Variants in YAF2 observed in about 807,000 individuals in gnomAD.
The protein encoded by YAF2 is YY1-associated factor 2.
A neutral mutation model predicts 20.1 loss-of-function variants in YAF2; 7 were observed. The ratio of observed to expected loss-of-function variants is 0.35; its 90% confidence interval spans 0.20 to 0.65. YAF2 has a LOEUF of 0.65. Among genes scored for constraint, YAF2 ranks in the 30% least tolerant of loss-of-function variants. The pLI is 0.69. For synonymous variants in YAF2, 74 were observed against 76.0 expected (o/e 0.97, Z 0.14); for missense variants, 151 against 219.2 (o/e 0.69, Z 1.96).
intron 2 of YAF2, among the ~76,000 whole-genome samples, chr12:42,216,063 C>T (rs1483542826): frequency 2.0e-5 from 3 of 152,092 alleles, no homozygotes; most frequent in African/African-American, 7.2e-5. Context: ...AATTCTATCA[C>T]ATTTTGTAGT....
intron 2 of YAF2, among the ~76,000 whole-genome samples, chr12:42,226,192 G>A (rs2067689594): frequency 6.6e-6 from 1 of 152,032 alleles, no homozygotes; most frequent in South Asian, 2.1e-4. Flanking sequence ...AGCTTCATTG[G>A]TTTATTTTAG....
chr12:42,231,963 A>G (rs1301357458), intron 2 of YAF2: 1 of 152,240 alleles, frequency 6.6e-6, no homozygotes, highest in Admixed American at 6.5e-5. Flanking sequence ...TCTTTCAAGT[A>G]AAAATGATGC....
intron 2 of YAF2, among the ~76,000 whole-genome samples, chr12:42,228,665 G>GC (rs1356250326): frequency 2.8e-5 from 3 of 107,326 alleles, no homozygotes; most frequent in Admixed American, 8.1e-5. Flanking sequence ...GTGGGGGGGG[G>GC]GTCAGCCCCC....
intron 2 of YAF2, among the ~76,000 whole-genome samples, chr12:42,215,345 T>A (rs566039401): frequency 6.7e-6 from 1 of 150,312 alleles, no homozygotes; most frequent in East Asian, 2.0e-4. Flanking sequence ...CTGAGGTGGA[T>A]CGCAAGAGCC....
chr12:42,192,465 T>C (rs747859186), intron 2 of YAF2, among the ~76,000 whole-genome samples: 17 of 152,076 alleles, frequency 1.1e-4, no homozygotes, highest in Non-Finnish European at 2.4e-4. Context: ...GCTGTGATCG[T>C]GCCACTGCAC....
intron 2 of YAF2, among the ~76,000 whole-genome samples, chr12:42,166,431 G>T (rs1285530417): frequency 6.6e-6 from 1 of 152,120 alleles, no homozygotes; most frequent in Non-Finnish European, 1.5e-5. Flanking sequence ...GTAAATTTTT[G>T]TGTCAAATAT....
chr12:42,234,683 A>G (rs1320863579), intron 2 of YAF2: 3 of 984,692 alleles, frequency 3.0e-6, no homozygotes, highest in African/African-American at 3.5e-5. Context: ...AAAAAAAATT[A>G]TATTGCCAAT....
intron 2 of YAF2, among the ~76,000 whole-genome samples, chr12:42,209,740 A>G (rs1235679500): frequency 1.3e-5 from 2 of 152,216 alleles, no homozygotes; most frequent in African/African-American, 4.8e-5. Context: ...AGAATTCAAC[A>G]TTTGGCTTCC....
chr12:42,214,055 A>G (rs377722950), intron 2 of YAF2, among the ~76,000 whole-genome samples: 6 of 152,256 alleles, frequency 3.9e-5, no homozygotes, highest in East Asian at 3.9e-4. Flanking sequence ...GCACTTCCAC[A>G]CTTAAACTCA....
intron 2 of YAF2, chr12:42,210,521 G>C (rs1230902899): frequency 2.0e-6 from 3 of 1,535,932 alleles, no homozygotes; most frequent in Admixed American, 2.0e-5. Flanking sequence ...GGAGATGCTA[G>C]AGACATGCTT....
chr12:42,227,217 G>C (rs1387842447), intron 2 of YAF2, among the ~76,000 whole-genome samples: 1 of 140,774 alleles, frequency 7.1e-6, no homozygotes, highest in Non-Finnish European at 1.5e-5. Flanking sequence ...CGCCTGCCTT[G>C]GCCTCCCAAA....
chr12:42,181,619 C>G (rs1393340331), intron 2 of YAF2, among the ~76,000 whole-genome samples: 1 of 152,168 alleles, frequency 6.6e-6, no homozygotes, highest in African/African-American at 2.4e-5. Context: ...TATGATTTTT[C>G]ACAGAAACCC....
At chr12:42,226,223 A>C (rs1160984483) in intron 2 of YAF2, among the ~76,000 whole-genome samples, 1 of 152,204 alleles carries the variant, frequency 6.6e-6, no homozygotes, top group Non-Finnish European at 1.5e-5. Flanking sequence ...CTTCGTTTTT[A>C]GCTATATTAT....
intron 2 of YAF2, among the ~76,000 whole-genome samples, chr12:42,226,951 C>T (rs1389925998): frequency 4.0e-5 from 6 of 149,522 alleles, no homozygotes; most frequent in Non-Finnish European, 6.0e-5. Flanking sequence ...TGGTGGTTGG[C>T]GCGGCTGCGC....
chr12:42,212,415 C>T (rs2067238713), intron 2 of YAF2: 7 of 442,090 alleles, frequency 1.6e-5, no homozygotes, highest in Admixed American at 2.6e-5. Flanking sequence ...ATTTTAATAC[C>T]CTTTACCATC....
intron 2 of YAF2, among the ~76,000 whole-genome samples, chr12:42,236,584 T>C (rs1458192928): frequency 6.6e-6 from 1 of 152,124 alleles, no homozygotes; most frequent in South Asian, 2.1e-4. Flanking sequence ...TTTTAAAAAA[T>C]CAAGATCTCA....
At chr12:42,163,156 G>A (rs1457074052) in intron 2 of YAF2, among the ~76,000 whole-genome samples, 1 of 151,918 alleles carries the variant, frequency 6.6e-6, no homozygotes, top group Non-Finnish European at 1.5e-5. Flanking sequence ...TGTCTCTGGG[G>A]ACCACACTTT....
intron 2 of YAF2, chr12:42,210,299 G>T: frequency 1.7e-6 from 2 of 1,202,194 alleles, no homozygotes; most frequent in Non-Finnish European, 2.3e-6. Flanking sequence ...TCCTTCTCAA[G>T]GGACAAAATT....
intron 2 of YAF2, among the ~76,000 whole-genome samples, chr12:42,189,391 T>A (rs2066555610): frequency 6.6e-6 from 1 of 152,338 alleles, no homozygotes. Flanking sequence ...TTAATGCTAC[T>A]CTGTTTTTGC....
Sources: allele counts gnomAD v4.1 joint callset (sites outside exome capture counted in the v4.1 genomes callset), GRCh38; gene constraint gnomAD v4.1.1; transcripts MANE v1.5; gene names NCBI Gene and HGNC (gene_info 2026-07-23, HGNC 2026-07-21).